The following ZNF676 variants were observed in gnomAD, a reference collection of about 807,000 sequenced individuals.
The protein encoded by ZNF676 is zinc finger protein 676.
A neutral mutation model predicts 6.0 loss-of-function variants in ZNF676; 4 were observed. The observed-to-expected ratio is 0.67, with a 90% confidence interval of 0.33 to 1.53. The LOEUF (loss-of-function observed/expected upper bound fraction) is 1.53. ZNF676 is among the 40% of genes most tolerant of loss of function. ZNF676 has a pLI of 0.06. For missense variants in ZNF676, 644 were observed against 679.7 expected, an observed-to-expected ratio of 0.95 and a Z score of 0.58; for synonymous variants, 198 against 223.1, an observed-to-expected ratio of 0.89 and a Z score of 1.00.
the ZNF676 span, among the ~76,000 whole-genome samples, chr19:22,246,141 T>C: frequency 6.6e-6 from 1 of 151,830 alleles, no homozygotes; most frequent in Admixed American, 6.6e-5. Context: ...TGCACACACA[T>C]GCGAACAAAG....
the ZNF676 span, among the ~76,000 whole-genome samples, chr19:22,239,460 G>C: frequency 2.3e-4 from 35 of 152,070 alleles, 1 homozygote. Flanking sequence ...GATTACAGGT[G>C]TAAGCCACTG....
chr19:22,214,618 AT>A (rs1487702769), intron 1 of ZNF676, among the ~76,000 whole-genome samples: 21 of 145,800 alleles, frequency 1.4e-4, no homozygotes, highest in Non-Finnish European at 2.2e-4. Flanking sequence ...AAAAAAAAAA[AT>A]CTAATTCAAA....
At chr19:22,206,357 T>C (rs1279796195) in intron 1 of ZNF676, among the ~76,000 whole-genome samples, 1 of 152,120 alleles carries the variant, frequency 6.6e-6, no homozygotes, top group Non-Finnish European at 1.5e-5. Flanking sequence ...CAGGCCAATA[T>C]CCTTGAAAAT....
chr19:22,227,984 G>C, the ZNF676 span, among the ~76,000 whole-genome samples: 1 of 152,208 alleles, frequency 6.6e-6, no homozygotes, highest in Non-Finnish European at 1.5e-5. Flanking sequence ...TAGAGAAAGA[G>C]GGACTCCTCC....
chr19:22,237,202 C>T, the ZNF676 span, among the ~76,000 whole-genome samples: 1 of 152,174 alleles, frequency 6.6e-6, no homozygotes, highest in Non-Finnish European at 1.5e-5. Flanking sequence ...AGCCAAGGGG[C>T]ATCAGGCATT....
the ZNF676 span, among the ~76,000 whole-genome samples, chr19:22,231,257 G>A: frequency 6.6e-6 from 1 of 151,254 alleles, no homozygotes; most frequent in Admixed American, 6.6e-5. Context: ...AAAAGTAAAA[G>A]CATATCAGTA....
At chr19:22,190,570 A>T (rs1373085351) in intron 2 of ZNF676, among the ~76,000 whole-genome samples, 1 of 142,878 alleles carries the variant, frequency 7.0e-6, no homozygotes, top group Non-Finnish European at 1.5e-5. Context: ...CAAGCTACAG[A>T]ATTAAAACAA....
the ZNF676 span, among the ~76,000 whole-genome samples, chr19:22,260,127 C>G: frequency 3.3e-5 from 5 of 152,214 alleles, no homozygotes; most frequent in Non-Finnish European, 5.9e-5. Flanking sequence ...CCCCAGGTCC[C>G]GGCCAGATTC....
chr19:22,215,395 T>G (rs1243347833), intron 1 of ZNF676, among the ~76,000 whole-genome samples: 1 of 152,102 alleles, frequency 6.6e-6, no homozygotes, highest in Non-Finnish European at 1.5e-5. Flanking sequence ...GCGCTGAGGG[T>G]GCAGAGCTGC....
chr19:22,192,564 T>C lies in ZNF676; in HGVS notation c.130+452A>G, dbSNP rs2023921216. Reference sequence around the variant, plus strand: ...AATTTCAAACTATATTTCAAGACTATAGTAATAAAAACAGAATGAAATGTG... The same window carrying C: ...AATTTCAAACTATATTTCAAGACTACAGTAATAAAAACAGAATGAAATGTG... On this transcript the variant is annotated intron_variant, in intron 2 of 2. Coordinates refer to ENST00000397121, the MANE Select transcript of ZNF676 (RefSeq NM_001001411.3). Among the ~76,000 whole-genome samples, 4 of 151,996 alleles carry C rather than the reference T, an allele frequency of 2.6e-5. No homozygotes were observed. The South Asian group carries it at 8.3e-4, about 31-fold the overall frequency.
At chr19:22,246,024 G>A in the ZNF676 span, among the ~76,000 whole-genome samples, 1 of 152,102 alleles carries the variant, frequency 6.6e-6, no homozygotes, top group Non-Finnish European at 1.5e-5. Context: ...TCAGCCATAC[G>A]TCACAGTACC....
intron 2 of ZNF676, among the ~76,000 whole-genome samples, chr19:22,181,996 T>C (rs1382151576): frequency 1.3e-5 from 2 of 152,056 alleles, no homozygotes; most frequent in East Asian, 3.9e-4. Context: ...TCTATGGCTC[T>C]TTCCACACAC....
intron 2 of ZNF676, among the ~76,000 whole-genome samples, chr19:22,191,105 G>A (rs192106848): frequency 6.6e-6 from 1 of 152,174 alleles, no homozygotes; most frequent in African/African-American, 2.4e-5. Flanking sequence ...AATTGCTGCA[G>A]GCCAAAACTT....
chr19:22,190,664 T>TATATAC (rs1157566142), intron 2 of ZNF676, among the ~76,000 whole-genome samples: 135 of 111,780 alleles, frequency 1.2e-3, no homozygotes, highest in African/African-American at 4.1e-3. Context: ...TATATATATA[T>TATATAC]ACATACACAC....
upstream of ZNF676, among the ~76,000 whole-genome samples, chr19:22,216,646 G>T (rs281189): frequency 0.45 from 67,836 of 150,772 alleles, 16,755 homozygotes; most frequent in African/African-American, 0.67. Flanking sequence ...ACCTTAAGCT[G>T]TTTTTTGAGA....
intron 1 of ZNF676, chr19:22,215,599 A>C: frequency 6.2e-7 from 1 of 1,608,134 alleles, no homozygotes; most frequent in Non-Finnish European, 8.5e-7. Flanking sequence ...AGCCCAGGCC[A>C]CTCTCTCAGT....
At chr19:22,204,617 A>G (rs950395170) in intron 1 of ZNF676, among the ~76,000 whole-genome samples, 79 of 152,276 alleles carry the variant, frequency 5.2e-4, no homozygotes, top group African/African-American at 1.8e-3. Flanking sequence ...ACCTTGGATA[A>G]TCGGGTTTCT....
the ZNF676 span, among the ~76,000 whole-genome samples, chr19:22,258,528 G>A: frequency 1.3e-5 from 2 of 152,142 alleles, no homozygotes; most frequent in African/African-American, 2.4e-5. Flanking sequence ...CTGTAAGCAG[G>A]AACTAGGCAG....
upstream of ZNF676, among the ~76,000 whole-genome samples, chr19:22,198,275 A>C (rs190880127): frequency 4.4e-3 from 674 of 152,330 alleles, 7 homozygotes; most frequent in African/African-American, 0.016. Context: ...TTATAAATTC[A>C]TAGTGAGATT....
Sources: gnomAD v4.1 joint callset for allele counts (sites outside exome capture counted in the v4.1 genomes callset) on GRCh38, gnomAD v4.1.1 for gene constraint, MANE v1.5 for transcripts, NCBI Gene and HGNC (gene_info 2026-07-23, HGNC 2026-07-21) for gene names.